The following FAM124A variants were observed in gnomAD, a reference collection of about 807,000 sequenced individuals.
FAM124A encodes family with sequence similarity 124 member A.
Under a neutral mutation model 24.5 loss-of-function variants are expected in FAM124A, and 23 were observed. The ratio of observed to expected loss-of-function variants is 0.94; its 90% CI spans 0.68 to 1.33. FAM124A has a LOEUF of 1.33. FAM124A is among the 40% of genes most tolerant of loss of function. The pLI is 0.00. For synonymous variants in FAM124A, 287 were observed against 314.7 expected, an observed-to-expected ratio of 0.91 and a Z score of 0.93; for missense variants, 623 against 722.8, an observed-to-expected ratio of 0.86 and a Z score of 1.58.
At chr13:51,261,874 G>T (rs907742058) in intron 3 of FAM124A, among the ~76,000 whole-genome samples, 2 of 152,348 alleles carry the variant, frequency 1.3e-5, no homozygotes, top group Admixed American at 6.5e-5. Flanking sequence ...ACTTCCAGGA[G>T]CTGCTCAGGT....
chr13:51,251,986 A>G lies in FAM124A; in HGVS notation c.619A>G (p.Ile207Val). The change falls in exon 3 of 4, where the codon ATC becomes GTC. Residue 207 changes from isoleucine to valine, a missense_variant. Transcript: ENST00000322475. The surrounding 1 kb of genome is among the most constrained non-coding windows in gnomAD (Gnocchi z 5.3). ...CAGCCAGAAGAAAGCGGACTTCTGCATCTTCCCTATTTTTTCCAACCTGGA... is the reference window on the plus strand; with the variant it reads ...CAGCCAGAAGAAAGCGGACTTCTGCGTCTTCCCTATTTTTTCCAACCTGGA... The part of the protein sequence containing the change: ...SPSQKKADFC[I>V]FPIFSNLDVD... 1 of 1,614,228 alleles carries G rather than the reference A, an allele frequency of 6.2e-7. No individual in the cohort carries two copies. The highest frequency in any genetic ancestry group is 8.5e-7 in the Non-Finnish European group (1 of 1,180,032).
At chr13:51,250,988 CAAATG>C (rs1435026593) in intron 2 of FAM124A, among the ~76,000 whole-genome samples, 1 of 152,210 alleles carries the variant, frequency 6.6e-6, no homozygotes, top group African/African-American at 2.4e-5. Context: ...ACAAAATAAA[CAAATG>C]AAATAAGCAA....
At chr13:51,269,899 G>A (rs780344652) in intron 3 of FAM124A, among the ~76,000 whole-genome samples, 17 of 152,114 alleles carry the variant, frequency 1.1e-4, no homozygotes, top group Non-Finnish European at 2.1e-4. Context: ...CCCACCCTAG[G>A]TAACTAATGG....
chr13:51,253,489 A>C (rs1954646644), intron 3 of FAM124A: 1 of 152,242 alleles, frequency 6.6e-6, no homozygotes, highest in African/African-American at 2.4e-5. Context: ...TCCCTTTTGA[A>C]ATGTGAGAAA....
At chr13:51,279,323 G>A (rs1293109368) in intron 3 of FAM124A, among the ~76,000 whole-genome samples, 1 of 152,132 alleles carries the variant, frequency 6.6e-6, no homozygotes, top group East Asian at 1.9e-4. Flanking sequence ...GCCTTTTGGG[G>A]CTGCTCCTTA....
chr13:51,257,166 T>TTCTTTTC (rs1392277635), intron 3 of FAM124A, among the ~76,000 whole-genome samples: 1 of 152,246 alleles, frequency 6.6e-6, no homozygotes, highest in Non-Finnish European at 1.5e-5. Context: ...GCCTCTTCAA[T>TTCTTTTC]ATCCTGCTTT....
At chr13:51,236,053 A>ACT (rs1291015667) in intron 2 of FAM124A, among the ~76,000 whole-genome samples, 1 of 152,106 alleles carries the variant, frequency 6.6e-6, no homozygotes, top group Non-Finnish European at 1.5e-5. Flanking sequence ...TAACTCAGAT[A>ACT]GCCTCCCTTC....
rs1361444461 is a variant in FAM124A at position 51,251,042 on chromosome 13, C to T, written c.101-426C>T. Reference sequence around the variant, plus strand: ...GTTTGTGTAGGGAACATGTATGGGGCAAGGCCCTGCAGCTATTTCAGGAAA... The same window carrying T: ...GTTTGTGTAGGGAACATGTATGGGGTAAGGCCCTGCAGCTATTTCAGGAAA... On this transcript the variant is annotated intron_variant, in intron 2 of 3. Coordinates refer to ENST00000322475, the MANE Select transcript of FAM124A (RefSeq NM_001242312.2). This position sits in a 1 kb window ranked among gnomAD's most constrained non-coding sequence, Gnocchi z 5.3. Among the ~76,000 whole-genome samples the T allele has an allele frequency of 6.6e-6, 1 of 152,020 alleles. No individual in the cohort carries two copies. The highest frequency in any genetic ancestry group is 2.4e-5 in the African/African-American group (1 of 41,370).
chr13:51,261,308 C>CTAA (rs1164082583), intron 3 of FAM124A, among the ~76,000 whole-genome samples: 2 of 152,158 alleles, frequency 1.3e-5, no homozygotes, highest in Non-Finnish European at 2.9e-5. Context: ...GGAAGTGATA[C>CTAA]TAATGTGCCT....
intron 2 of FAM124A, among the ~76,000 whole-genome samples, chr13:51,246,706 C>A (rs190572000): frequency 6.6e-6 from 1 of 152,184 alleles, no homozygotes; most frequent in African/African-American, 2.4e-5. Context: ...AGCTCACCCC[C>A]CTGCTCTGAG....
intron 3 of FAM124A, among the ~76,000 whole-genome samples, chr13:51,265,573 G>GT (rs753616567): frequency 6.6e-6 from 1 of 152,198 alleles, no homozygotes; most frequent in Non-Finnish European, 1.5e-5. Flanking sequence ...AGGCCACATG[G>GT]TTATGGGATG....
intron 2 of FAM124A, among the ~76,000 whole-genome samples, chr13:51,236,008 C>T (rs998986479): frequency 5.3e-5 from 8 of 152,208 alleles, no homozygotes; most frequent in African/African-American, 1.9e-4. Flanking sequence ...TTTGGCCCTA[C>T]CTTCTTTTTC....
At chr13:51,259,461 C>T (rs1001651300) in intron 3 of FAM124A, among the ~76,000 whole-genome samples, 20 of 152,162 alleles carry the variant, frequency 1.3e-4, no homozygotes, top group African/African-American at 3.6e-4. Flanking sequence ...ACGCAGGGTA[C>T]CTCCCATGCT....
At chr13:51,265,309 G>T (rs1347798510) in intron 3 of FAM124A, among the ~76,000 whole-genome samples, 1 of 152,148 alleles carries the variant, frequency 6.6e-6, no homozygotes, top group Non-Finnish European at 1.5e-5. Context: ...ACCTGAGGAG[G>T]AGCTGGTACC....
intron 2 of FAM124A, among the ~76,000 whole-genome samples, chr13:51,232,744 C>T (rs141732258): frequency 1.4e-3 from 211 of 152,318 alleles, no homozygotes; most frequent in African/African-American, 4.5e-3. Flanking sequence ...TCTGTGCCAC[C>T]ATTTCCATTC....
At chr13:51,278,217 G>C (rs1954902563) in intron 3 of FAM124A, among the ~76,000 whole-genome samples, 1 of 152,188 alleles carries the variant, frequency 6.6e-6, no homozygotes, top group Non-Finnish European at 1.5e-5. Flanking sequence ...AGGCTTCCAT[G>C]CGAGGAGGAT....
At chr13:51,226,666 AAC>A (rs1954318401) in intron 1 of FAM124A, among the ~76,000 whole-genome samples, 1 of 152,188 alleles carries the variant, frequency 6.6e-6, no homozygotes, top group Non-Finnish European at 1.5e-5. Flanking sequence ...GTGTGAACAA[AAC>A]ACAGAAACAA....
intron 3 of FAM124A, among the ~76,000 whole-genome samples, chr13:51,267,447 A>T (rs929585448): frequency 6.6e-6 from 1 of 152,222 alleles, no homozygotes; most frequent in Non-Finnish European, 1.5e-5. Flanking sequence ...AGAGAAGAAT[A>T]ACTTCCTGAA....
intron 2 of FAM124A, among the ~76,000 whole-genome samples, chr13:51,249,903 G>A (rs939859046): frequency 6.6e-6 from 1 of 152,230 alleles, no homozygotes; most frequent in Non-Finnish European, 1.5e-5. Flanking sequence ...AGCATATCAT[G>A]CAAGAGTATA....
Sources: gnomAD v4.1 joint callset for allele counts (sites outside exome capture counted in the v4.1 genomes callset) on GRCh38, gnomAD v4.1.1 for gene constraint, Gnocchi (gnomAD v3.1) non-coding constraint, MANE v1.5 for transcripts, NCBI Gene and HGNC (gene_info 2026-07-23, HGNC 2026-07-21) for gene names.